ADGRV1: variants seen among roughly 807,000 people sequenced by gnomAD.
The protein encoded by ADGRV1 is adhesion G protein-coupled receptor V1, also known as G-protein coupled receptor 98.
ADGRV1 carries 359 observed loss-of-function variants against 596.2 expected under a neutral mutation model. That is an observed-to-expected ratio of 0.60 (90% confidence interval 0.55 to 0.66). The LOEUF is 0.66. Among genes scored for constraint, ADGRV1 ranks in the 30% least tolerant of loss-of-function variants. The pLI is 0.00. For synonymous variants in ADGRV1, 2,681 were observed against 2,679.2 expected, an observed-to-expected ratio of 1.00 and a Z score of -0.02; for missense variants, 7,274 against 7,575.6, an observed-to-expected ratio of 0.96 and a Z score of 1.48.
At chr5:90,862,519 A>G (rs1009456350) in intron 82 of ADGRV1, among the ~76,000 whole-genome samples, 2 of 152,162 alleles carry the variant, frequency 1.3e-5, no homozygotes, top group Non-Finnish European at 2.9e-5. Context: ...CCAGTAGTAT[A>G]TAGACTACCT....
chr5:90,627,860 G>C, intron 7 of ADGRV1, 84 bp downstream of exon 7: 1 of 742,666 alleles, frequency 1.3e-6, no homozygotes, highest in Non-Finnish European at 2.0e-6. Flanking sequence ...ACACAACAAT[G>C]AACTGTTAGA....
At chr5:91,068,293 T>TA (rs557531177) in intron 85 of ADGRV1, among the ~76,000 whole-genome samples, 3,603 of 142,256 alleles carry the variant, frequency 0.025, 148 homozygotes, top group African/African-American at 0.086. Flanking sequence ...CATCTCTACT[T>TA]AAAAAAAAAA....
intron 75 of ADGRV1, among the ~76,000 whole-genome samples, chr5:90,821,386 TTG>T: frequency 6.6e-6 from 1 of 151,474 alleles, no homozygotes; most frequent in Non-Finnish European, 1.5e-5. Context: ...TCAGAGTAAT[TTG>T]ATCGTCTGAA....
chr5:90,800,794 CTG>C (rs1416723509), intron 70 of ADGRV1, among the ~76,000 whole-genome samples: 2 of 152,106 alleles, frequency 1.3e-5, no homozygotes, highest in Non-Finnish European at 2.9e-5. Context: ...AAGCTGGAAA[CTG>C]TCATTCTCAG....
intron 87 of ADGRV1, among the ~76,000 whole-genome samples, chr5:91,110,052 A>G (rs561207874): frequency 6.6e-6 from 1 of 152,194 alleles, no homozygotes; most frequent in African/African-American, 2.4e-5. Flanking sequence ...ATGTCTCTAT[A>G]TTGTCCACAA....
chr5:90,725,438 TA>T (rs1751641862), intron 47 of ADGRV1, 110 bp from the exon 48 acceptor site: 1 of 734,562 alleles, frequency 1.4e-6, no homozygotes, highest in Non-Finnish European at 2.3e-6. Context: ...AGCTTGGTAT[TA>T]AAATTTTTTA....
At chr5:90,637,984 A>G (rs1480999064) in intron 11 of ADGRV1, 36 bp downstream of exon 11, 1 of 1,411,578 alleles carries the variant, frequency 7.1e-7, no homozygotes, top group Non-Finnish European at 9.8e-7. Flanking sequence ...AGTATCATTT[A>G]TGTTTGAGTT....
chr5:90,614,604 A>C, intron 1 of ADGRV1: 5 of 509,770 alleles, frequency 9.8e-6, no homozygotes, highest in Non-Finnish European at 1.8e-5. Context: ...ATAGAAGCTA[A>C]AAAGCAAAAA....
intron 36 of ADGRV1, 60 bp from the exon 37 acceptor site, chr5:90,705,340 G>A (rs1385176385): frequency 3.6e-6 from 5 of 1,399,308 alleles, no homozygotes; most frequent in Non-Finnish European, 5.0e-6. Context: ...GTGAGGCTAT[G>A]TTTCCAGCGA....
chr5:90,932,833 AC>A (rs1469159582), intron 83 of ADGRV1, among the ~76,000 whole-genome samples: 1 of 152,158 alleles, frequency 6.6e-6, no homozygotes, highest in Non-Finnish European at 1.5e-5. Flanking sequence ...TAGTATACAC[AC>A]ATACATATAT....
rs1384435812 is a variant in ADGRV1, at chr5:90,637,864, G to C, written c.2156G>C (p.Gly719Ala). 6.2e-7 allele frequency: 1 copy of C among 1,613,518 alleles called. No individual in the cohort carries two copies. Among genetic ancestry groups the C allele is most frequent in the Admixed American group, 1.7e-5 (1 of 59,904 alleles). Reference protein sequence around the residue: ...PFNGSVLFLSGQSDTTINITI... With the variant: ...PFNGSVLFLSAQSDTTINITI... ...AATGGCTCTGTTTTGTTTTTATCTG[G>C]GCAAAGTGACACAACAATCAACATT... The change falls in exon 11 of 90, where the codon GGG (glycine) becomes GCG (alanine). Residue 719 changes from glycine (G) to alanine (A), a missense_variant. Gly to Ala is a moderately conservative substitution (Grantham distance 60, BLOSUM62 0). Transcript: ENST00000405460.
In ADGRV1 at chr5:90,840,866, C is replaced by T; in HGVS notation, c.16900C>T (p.Gln5634Ter). The change falls in exon 78 of 90, where the codon CAG (glutamine) becomes TAG (stop). Residue 5634 changes from glutamine (Q) to a stop codon, truncating the protein, a stop_gained. Coordinates refer to ENST00000405460, the MANE Select transcript of ADGRV1 (RefSeq NM_032119.4). LOFTEE classifies it high-confidence loss of function. The stretch of plus-strand genomic sequence containing the variant: ...GCAGGCCATTTGGGGGCTTGCAGAT[C>T]AGCTACATCAGCCTGTGAATGATGA... ...DSQAIWGLAD[Q>*]LHQPVNDDIL... is the part of the protein sequence containing the mutation. The T allele has an allele frequency of 6.2e-7, 1 of 1,609,816 alleles. No individual in the cohort carries two copies. Among genetic ancestry groups the T allele is most frequent in the Non-Finnish European group, 8.5e-7 (1 of 1,177,188 alleles).
chr5:90,759,499 G>A lies in ADGRV1; in HGVS notation c.12031G>A (p.Gly4011Ser). 1.9e-6 allele frequency: 3 copies of A among 1,612,310 alleles called. No homozygotes were observed. Among genetic ancestry groups the A allele is most frequent in the African/African-American group, 1.3e-5 (1 of 74,994 alleles). The change falls in exon 58 of 90, where the codon GGT becomes AGT. Residue 4011 changes from glycine (G) to serine (S), a missense_variant. Gly to Ser is a moderately conservative substitution (Grantham distance 56, BLOSUM62 0). Transcript: ENST00000405460. ...TATTTCCTTGATCAGTGTTGCTGGA[G>A]GTGGCAGACTTGGTGATGATGTTGT... ...FNISLISVAG[G>S]GRLGDDVVVT...
At chr5:90,836,350 ATAGT>A (rs781694903) in intron 77 of ADGRV1, among the ~76,000 whole-genome samples, 9 of 152,174 alleles carry the variant, frequency 5.9e-5, no homozygotes, top group East Asian at 1.9e-4. Context: ...CAATGGGTGA[ATAGT>A]TAAACTGTGG....
intron 1 of ADGRV1, among the ~76,000 whole-genome samples, chr5:90,608,163 A>G (rs1762330496): frequency 6.6e-6 from 1 of 152,150 alleles, no homozygotes; most frequent in Non-Finnish European, 1.5e-5. Flanking sequence ...GGAATAAGAT[A>G]TAAGGAAATG....
chr5:90,913,057 A>G (rs1773036961), intron 83 of ADGRV1, among the ~76,000 whole-genome samples: 1 of 152,228 alleles, frequency 6.6e-6, no homozygotes, highest in African/African-American at 2.4e-5. Context: ...TAAGTTTCTC[A>G]TTATTAAAAT....
intron 85 of ADGRV1, among the ~76,000 whole-genome samples, chr5:91,042,329 C>T (rs1338955983): frequency 6.6e-6 from 1 of 152,090 alleles, no homozygotes; most frequent in Non-Finnish European, 1.5e-5. Context: ...TTAAAAACAA[C>T]AGCTTTCTTA....
intron 78 of ADGRV1, among the ~76,000 whole-genome samples, chr5:90,847,317 T>G (rs1765986202): frequency 6.6e-6 from 1 of 152,110 alleles, no homozygotes; most frequent in South Asian, 2.1e-4. Flanking sequence ...TCACAAACCC[T>G]GAGCTAGACA....
intron 1 of ADGRV1, among the ~76,000 whole-genome samples, chr5:90,598,929 C>T (rs1240323026): frequency 1.3e-5 from 2 of 152,106 alleles, no homozygotes; most frequent in Admixed American, 1.3e-4. Flanking sequence ...ATCAATCTAA[C>T]CCTATTATCC....
Sources: allele counts gnomAD v4.1 joint callset (sites outside exome capture counted in the v4.1 genomes callset), GRCh38; gene constraint gnomAD v4.1.1; transcripts MANE v1.5; gene names NCBI Gene and HGNC (gene_info 2026-07-23, HGNC 2026-07-21).